Variants in PIK3C2A observed in about 807,000 individuals in gnomAD.
The protein encoded by PIK3C2A is phosphatidylinositol 4-phosphate 3-kinase C2 domain-containing subunit alpha.
A neutral mutation model predicts 204.5 loss-of-function variants in PIK3C2A; 97 were observed. The observed-to-expected ratio is 0.47, with a 90% CI of 0.40 to 0.56. PIK3C2A has a LOEUF of 0.56. Among genes scored for constraint, PIK3C2A ranks in the 20% least tolerant of loss-of-function variants. The probability of loss-of-function intolerance (pLI) is 0.00; values close to 1 mark genes in which losing one functional copy is unlikely to be tolerated. For missense variants in PIK3C2A, 1,735 were observed against 1,969.2 expected (o/e 0.88, Z 2.25); for synonymous variants, 653 against 664.4 (o/e 0.98, Z 0.26).
At chr11:17,153,907 T>A (rs770269599) in intron 3 of PIK3C2A, among the ~76,000 whole-genome samples, 9 of 152,194 alleles carry the variant, frequency 5.9e-5, no homozygotes, top group African/African-American at 2.2e-4. Flanking sequence ...CATCTCCTCA[T>A]CTCAATCTCC....
At chr11:17,127,307 T>C (rs570810500) in intron 13 of PIK3C2A, among the ~76,000 whole-genome samples, 3 of 152,100 alleles carry the variant, frequency 2.0e-5, no homozygotes, top group East Asian at 1.9e-4. Context: ...AAAATAAATA[T>C]GTGTTTTTTT....
chr11:17,126,247 A>C (rs1046823965), intron 13 of PIK3C2A, among the ~76,000 whole-genome samples: 4 of 152,204 alleles, frequency 2.6e-5, no homozygotes, highest in Non-Finnish European at 5.9e-5. Flanking sequence ...TTTCAGAAAA[A>C]TTAGTTAAGA....
intron 24 of PIK3C2A, among the ~76,000 whole-genome samples, chr11:17,101,667 G>C (rs942535997): frequency 6.7e-6 from 1 of 149,286 alleles, no homozygotes. Flanking sequence ...GCAGTGGCGC[G>C]ATCTAGGCTC....
chr11:17,191,273 T>G (rs886662441), intron 1 of PIK3C2A, among the ~76,000 whole-genome samples: 1 of 151,360 alleles, frequency 6.6e-6, no homozygotes, highest in Admixed American at 6.6e-5. Context: ...CTGGCCAGGG[T>G]TGGCCAACCA....
At chr11:17,103,211 T>C (rs1338263112) in intron 23 of PIK3C2A, among the ~76,000 whole-genome samples, 18 of 151,804 alleles carry the variant, frequency 1.2e-4, no homozygotes, top group Non-Finnish European at 7.4e-5. Context: ...AGAAGATTTT[T>C]TGCTTTTTTT....
At chr11:17,164,359 A>AAG (rs1431738212) in intron 2 of PIK3C2A, among the ~76,000 whole-genome samples, 4 of 151,908 alleles carry the variant, frequency 2.6e-5, no homozygotes, top group African/African-American at 9.7e-5. Context: ...GTCTTAAAAA[A>AAG]AAAAAAAAAA....
At position 17,117,634 on chromosome 11, in the gene PIK3C2A, T is replaced by C. The variant is rs1473954404; in HGVS notation, c.3073A>G (p.Thr1025Ala). The change falls in exon 19 of 33, where the codon ACC becomes GCC. Residue 1025 changes from threonine (T) to alanine (A), a missense_variant. Around this residue, in one of 6 missense-constraint regions of PIK3C2A, gnomAD observed 567 missense variants for 576.0 expected, o/e 0.98. Coordinates refer to ENST00000691414, the MANE Select transcript of PIK3C2A (RefSeq NM_002645.4). ...KDALHDVQFS[T>A]RYEHVLGALL... is the part of the protein sequence containing the mutation. ...GCACCCAAAACATGTTCGTATCGGGTACTAAACTGTACATCATGCAGGGCA... is the reference window on the plus strand; with the variant it reads ...GCACCCAAAACATGTTCGTATCGGGCACTAAACTGTACATCATGCAGGGCA... 16 of 1,611,618 alleles carry C rather than the reference T, an allele frequency of 9.9e-6. No individual in the cohort carries two copies. Among genetic ancestry groups the C allele is most frequent in the Middle Eastern group, 1.6e-4 (1 of 6,074 alleles).
At chr11:17,108,484 C>G (rs1848901071) in intron 22 of PIK3C2A, among the ~76,000 whole-genome samples, 1 of 151,962 alleles carries the variant, frequency 6.6e-6, no homozygotes, top group South Asian at 2.1e-4. Context: ...GTCACAGGTG[C>G]ATGCCATCAT....
At chr11:17,172,265 G>A (rs1232506921) in intron 1 of PIK3C2A, among the ~76,000 whole-genome samples, 2 of 152,154 alleles carry the variant, frequency 1.3e-5, no homozygotes, top group Non-Finnish European at 2.9e-5. Flanking sequence ...GTGACACTGT[G>A]GGAATAGGAG....
Position 17,114,475 on chromosome 11 carries a change from G to C in PIK3C2A, c.3217-10C>G, listed in dbSNP as rs201421402. ...TTCTTTGGAGAACAACCTATAGAAA[G>C]AGATGTGATACTGTAAGTACATAAT... On this transcript the variant is annotated splice_polypyrimidine_tract_variant and intron_variant, in intron 19 of 32. Coordinates refer to ENST00000691414, the MANE Select transcript of PIK3C2A (RefSeq NM_002645.4). 5 of 1,172,568 alleles carry C rather than the reference G, an allele frequency of 4.3e-6. No homozygotes were observed. In the East Asian group the frequency reaches 1.2e-4, roughly 27 times the overall value. The allele number at this position is 1,172,568 out of a possible 1,614,324, so 72.6% of individuals were successfully genotyped here.
intron 28 of PIK3C2A, among the ~76,000 whole-genome samples, chr11:17,093,932 C>A (rs1444849155): frequency 1.3e-5 from 2 of 152,140 alleles, no homozygotes; most frequent in African/African-American, 4.8e-5. Context: ...AGCCACCACA[C>A]CTGGCAGGAT....
intron 8 of PIK3C2A, among the ~76,000 whole-genome samples, chr11:17,142,889 T>TA (rs888163398): frequency 2.6e-5 from 4 of 151,876 alleles, no homozygotes; most frequent in African/African-American, 9.7e-5. Context: ...TAAAACCACT[T>TA]AACTTTCAGA....
rs567441687 is a variant in PIK3C2A, at chr11:17,105,354, G to A, written c.3545-49C>T. 8 of 1,464,486 alleles carry A rather than the reference G, an allele frequency of 5.5e-6. No individual in the cohort carries two copies. In the South Asian group the frequency reaches 6.2e-5, roughly 11 times the overall value. 90.7% of individuals were successfully genotyped at this position (1,464,486 alleles called of 1,614,324 possible). ...ATGTAAAACTGTCTCTCCAAAGTAA[G>A]CCTTTAAACATTTTTAAAAATTATT... On this transcript the variant is annotated intron_variant, in intron 22 of 32. Transcript: ENST00000691414.
At chr11:17,165,803 A>C (rs1850927762) in intron 2 of PIK3C2A, among the ~76,000 whole-genome samples, 1 of 149,930 alleles carries the variant, frequency 6.7e-6, no homozygotes, top group South Asian at 2.1e-4. Flanking sequence ...AAAAAAAAAA[A>C]AAAAAGGGAG....
Position 17,128,748 on chromosome 11 carries a change from A to C in PIK3C2A, c.2399+552T>G, listed in dbSNP as rs566016784. Among the ~76,000 whole-genome samples the C allele has an allele frequency of 2.6e-5, 4 of 152,360 alleles. No homozygotes were observed. In the South Asian group the frequency reaches 8.3e-4, roughly 32 times the overall value. ...TCCCAGTGGCTATTAACAGACACCA[A>C]GCTCAAAAGAAGTTCCTTTACCCCT... On this transcript the variant is annotated intron_variant, in intron 13 of 32. Coordinates refer to ENST00000691414, the MANE Select transcript of PIK3C2A (RefSeq NM_002645.4).
intron 1 of PIK3C2A, among the ~76,000 whole-genome samples, chr11:17,196,836 C>G (rs944671377): frequency 4.6e-5 from 7 of 151,940 alleles, no homozygotes; most frequent in African/African-American, 1.7e-4. Flanking sequence ...TCCCAAAGTG[C>G]TGGGATTACA....
At chr11:17,129,177 T>G in intron 13 of PIK3C2A, 123 bp downstream of exon 13, 2 of 706,578 alleles carry the variant, frequency 2.8e-6, no homozygotes, top group Non-Finnish European at 4.8e-6. Flanking sequence ...TTTATCACAT[T>G]AGAAAAACTG....
chr11:17,171,930 A>G (rs922050073), intron 1 of PIK3C2A, among the ~76,000 whole-genome samples: 1 of 152,104 alleles, frequency 6.6e-6, no homozygotes, highest in African/African-American at 2.4e-5. Context: ...CATTTTTTTT[A>G]AAAGGTAAAC....
intron 1 of PIK3C2A, among the ~76,000 whole-genome samples, chr11:17,172,960 T>A (rs1285238048): frequency 1.3e-5 from 2 of 152,214 alleles, no homozygotes; most frequent in South Asian, 2.1e-4. Context: ...CTTTTTTCAC[T>A]GTCAAACTTC....
Sources: gnomAD v4.1 joint callset for allele counts (sites outside exome capture counted in the v4.1 genomes callset) on GRCh38, gnomAD v4.1.1 for gene constraint, gnomAD v4.1.1 regional missense constraint, MANE v1.5 for transcripts, NCBI Gene and HGNC (gene_info 2026-07-23, HGNC 2026-07-21) for gene names.